The following PCLO variants were observed in gnomAD, a reference collection of about 807,000 sequenced individuals.
PCLO encodes piccolo presynaptic cytomatrix protein, also known as protein piccolo.
In PCLO, 82 loss-of-function variants were observed where a neutral mutation model predicts 427.5. The ratio of observed to expected loss-of-function variants is 0.19; its 90% CI spans 0.16 to 0.23. PCLO has a LOEUF of 0.23. Among genes scored for constraint, PCLO ranks in the 10% least tolerant of loss-of-function variants. The pLI is 1.00. For missense variants in PCLO, 6,239 were observed against 6,115.9 expected (o/e 1.02, Z -0.67); for synonymous variants, 2,357 against 2,155.4 (o/e 1.09, Z -2.59).
intron 10 of PCLO, among the ~76,000 whole-genome samples, chr7:82,860,630 T>C (rs935875495): frequency 6.6e-6 from 1 of 152,008 alleles, no homozygotes; most frequent in African/African-American, 2.4e-5. Context: ...CCAAAATTCA[T>C]TGGTAATAGT....
intron 21 of PCLO, among the ~76,000 whole-genome samples, chr7:82,803,421 G>A (rs1791399468): frequency 6.6e-6 from 1 of 151,970 alleles, no homozygotes; most frequent in South Asian, 2.1e-4. Context: ...TAATTTTTGG[G>A]GTTGTTCTTG....
intron 3 of PCLO, among the ~76,000 whole-genome samples, chr7:83,021,584 CTCTTCCTT>C (rs1229639356): frequency 1.3e-5 from 2 of 152,250 alleles, no homozygotes; most frequent in East Asian, 1.9e-4. Flanking sequence ...CTCTCCTTCC[CTCTTCCTT>C]TCTTCCTTTC....
chr7:82,803,339 T>G (rs890241832), intron 21 of PCLO, among the ~76,000 whole-genome samples: 5 of 152,064 alleles, frequency 3.3e-5, no homozygotes, highest in African/African-American at 1.2e-4. Context: ...AAATAAATAT[T>G]CTTATACTAT....
chr7:83,082,018 A>G (rs933336325), intron 3 of PCLO, among the ~76,000 whole-genome samples: 2 of 151,590 alleles, frequency 1.3e-5, no homozygotes, highest in African/African-American at 4.8e-5. Flanking sequence ...TTATATATGA[A>G]AAAGACCAAA....
At chr7:83,093,624 C>A (rs1214292901) in intron 3 of PCLO, among the ~76,000 whole-genome samples, 13 of 148,674 alleles carry the variant, frequency 8.7e-5, no homozygotes, top group Admixed American at 2.0e-4. Context: ...TCCCGAGTAG[C>A]TGGGACTACA....
At chr7:82,895,523 T>C (rs1234891928) in intron 9 of PCLO, among the ~76,000 whole-genome samples, 1 of 151,536 alleles carries the variant, frequency 6.6e-6, no homozygotes, top group Non-Finnish European at 1.5e-5. Flanking sequence ...GAAAAATCAA[T>C]AAAAGCAAAA....
At chr7:82,990,391 A>G (rs1464021390) in intron 3 of PCLO, among the ~76,000 whole-genome samples, 1 of 152,180 alleles carries the variant, frequency 6.6e-6, no homozygotes, top group Admixed American at 6.5e-5. Context: ...ACACAATTTA[A>G]TTACCAGACA....
At position 83,155,988 on chromosome 7, in the gene PCLO, G is replaced by A. The variant is rs61738783; in HGVS notation, c.653C>T (p.Pro218Leu). ...ACCAGGTCCTTGCTGCTTAGGAATC[G>A]GCTTGGGTGGCTGTTGTTGTAAAGG... ...KPPLQQQPPK[P>L]IPKQQGPGRD... The change falls in exon 2 of 25, where the codon CCG (proline) becomes CTG (leucine). Residue 218 changes from proline (P) to leucine (L), a missense_variant. Pro to Leu is a moderately conservative substitution (Grantham distance 98, BLOSUM62 -3). Around this residue, in one of 5 missense-constraint regions of PCLO, gnomAD observed 4,677 missense variants for 4,468.4 expected, o/e 1.05. Coordinates refer to ENST00000333891, the MANE Select transcript of PCLO (RefSeq NM_033026.6). 0.015 allele frequency: 24,372 copies of A among 1,613,566 alleles called. 245 individuals carry two copies. Among genetic ancestry groups the A allele is most frequent in the Non-Finnish European group, 0.016 (19,068 of 1,179,796 alleles).
chr7:83,135,588 C>T lies in PCLO; in HGVS notation c.1962G>A (p.Pro654=), dbSNP rs377565205. The change falls in exon 3 of 25, where the codon CCG becomes CCA. Residue 654 remains proline (P), a synonymous_variant. Coordinates refer to ENST00000333891, the MANE Select transcript of PCLO (RefSeq NM_033026.6). ...RALGGDLAPV[P]SSPQPKLKTA... is the part of the protein sequence containing the mutation. ...TCTTCAGTTTGGGCTGGGGTGATGA[C>T]GGAACTGGAGCCAGATCCCCGCCTA... is the stretch of plus-strand genomic sequence containing the variant. 22 of 1,612,964 alleles carry T rather than the reference C, an allele frequency of 1.4e-5. No homozygotes were observed. Among genetic ancestry groups the T allele is most frequent in the African/African-American group, 4.0e-5 (3 of 74,734 alleles).
chr7:82,888,245 T>C (rs1019674209), intron 9 of PCLO, among the ~76,000 whole-genome samples: 41 of 152,158 alleles, frequency 2.7e-4, no homozygotes, highest in African/African-American at 8.2e-4. Context: ...ACACTTGTAC[T>C]GAGGGTGACA....
At position 82,952,129 on chromosome 7, in the gene PCLO, C is replaced by A; in HGVS notation, c.8824G>T (p.Asp2942Tyr). ...CCAAATGGTAATTTATAAACCACAT[C>A]ACAGCACACAGCTCTTCTCCCTGCG... ...LTAGRRAVCC[D>Y]VVYKLPFGRS... The change falls in exon 5 of 25, where the codon GAT (aspartate) becomes TAT (tyrosine). Residue 2942 changes from aspartate (D) to tyrosine (Y), a missense_variant. Coordinates refer to ENST00000333891, the MANE Select transcript of PCLO (RefSeq NM_033026.6). 1 of 1,613,718 alleles carries A rather than the reference C, an allele frequency of 6.2e-7. No individual in the cohort carries two copies.
intron 7 of PCLO, among the ~76,000 whole-genome samples, chr7:82,910,217 A>G (rs983144059): frequency 2.0e-5 from 3 of 152,066 alleles, no homozygotes; most frequent in Non-Finnish European, 1.5e-5. Context: ...AGAATGCCAT[A>G]CAATAGCTTT....
chr7:83,066,121 T>C (rs1162860316), intron 3 of PCLO, among the ~76,000 whole-genome samples: 1 of 152,158 alleles, frequency 6.6e-6, no homozygotes, highest in Non-Finnish European at 1.5e-5. Flanking sequence ...CTCTAGTTCT[T>C]ACATATGCTT....
chr7:83,160,882 C>T (rs573242988), intron 1 of PCLO, among the ~76,000 whole-genome samples: 2 of 152,216 alleles, frequency 1.3e-5, no homozygotes, highest in South Asian at 2.1e-4. Flanking sequence ...AAGTATCATA[C>T]CTTGTTATTA....
chr7:83,046,271 C>T (rs547219672), intron 3 of PCLO, among the ~76,000 whole-genome samples: 1 of 152,160 alleles, frequency 6.6e-6, no homozygotes, highest in Non-Finnish European at 1.5e-5. Context: ...TATCACACTA[C>T]CTATTTGAAT....
chr7:82,841,266 T>C (rs1157755082), intron 14 of PCLO, among the ~76,000 whole-genome samples, 193 bp downstream of exon 14: 1 of 152,048 alleles, frequency 6.6e-6, no homozygotes, highest in Non-Finnish European at 1.5e-5. Flanking sequence ...TAGAAATACA[T>C]AGCTATGATT....
intron 20 of PCLO, among the ~76,000 whole-genome samples, chr7:82,809,790 CATT>C (rs1448979219): frequency 6.6e-6 from 1 of 151,346 alleles, no homozygotes; most frequent in African/African-American, 2.4e-5. Flanking sequence ...TTTAGGGAGT[CATT>C]TTTTTTAGCT....
intron 6 of PCLO, among the ~76,000 whole-genome samples, chr7:82,932,827 T>C (rs1794870397): frequency 6.6e-6 from 1 of 152,092 alleles, no homozygotes; most frequent in Non-Finnish European, 1.5e-5. Flanking sequence ...TTAGGTTCTT[T>C]ATGATTTCTT....
At chr7:83,140,607 T>C (rs1457125900) in intron 2 of PCLO, among the ~76,000 whole-genome samples, 2 of 152,196 alleles carry the variant, frequency 1.3e-5, no homozygotes, top group African/African-American at 4.8e-5. Flanking sequence ...ATTTAAAATA[T>C]TTAACTGTGC....
Sources: gnomAD v4.1 joint callset for allele counts (sites outside exome capture counted in the v4.1 genomes callset) on GRCh38, gnomAD v4.1.1 for gene constraint, gnomAD v4.1.1 regional missense constraint, MANE v1.5 for transcripts, NCBI Gene and HGNC (gene_info 2026-07-23, HGNC 2026-07-21) for gene names.